Variants in CWH43 observed in about 807,000 individuals in gnomAD.
The protein encoded by CWH43 is PGAP2-interacting protein.
A neutral mutation model predicts 85.7 loss-of-function variants in CWH43; 91 were observed. The ratio of observed to expected loss-of-function variants is 1.06; its 90% CI spans 0.90 to 1.26. The LOEUF (loss-of-function observed/expected upper bound fraction) is 1.26. Among genes scored for constraint, CWH43 ranks in the 50% most tolerant of loss-of-function variants. The pLI, the probability that CWH43 is intolerant of heterozygous loss-of-function variation, is 0.00. For missense variants in CWH43, 869 were observed against 839.2 expected (o/e 1.04, Z -0.44); for synonymous variants, 323 against 293.6 (o/e 1.10, Z -1.02).
chr4:49,012,011 T>C (rs1014943930), intron 8 of CWH43, among the ~76,000 whole-genome samples: 1 of 152,232 alleles, frequency 6.6e-6, no homozygotes, highest in African/African-American at 2.4e-5. Flanking sequence ...TGAATTTGAA[T>C]GTTGGCTTGC....
intron 10 of CWH43, among the ~76,000 whole-genome samples, chr4:49,030,461 C>T (rs1199089540): frequency 6.6e-6 from 1 of 152,112 alleles, no homozygotes; most frequent in African/African-American, 2.4e-5. Flanking sequence ...TACTATGGAG[C>T]TGTTTGTGCT....
chr4:48,995,417 A>C (rs576213082), intron 5 of CWH43, among the ~76,000 whole-genome samples: 9 of 152,276 alleles, frequency 5.9e-5, no homozygotes, highest in African/African-American at 1.9e-4. Flanking sequence ...TTCCTGACAC[A>C]TCTTTTCTCT....
Position 49,061,818 on chromosome 4 carries a change from A to C in CWH43, c.2028A>C (p.Gly676=). Residue 676 remains glycine, a synonymous_variant, in exon 16 of 16, where the codon GGA becomes GGC. Transcript: ENST00000226432. ...SEKIHFNPRF[G]SYKEGHNYEN... ...TTATTTTTTATTTTTTTAGATTTGG[A>C]TCCTACAAAGAAGGACACAATTATG... is the stretch of plus-strand genomic sequence containing the variant. 7.2e-7 allele frequency: 1 copy of C among 1,389,746 alleles called. No homozygotes were observed. The highest frequency in any genetic ancestry group is 9.6e-7 in the Non-Finnish European group (1 of 1,046,048). The allele number at this position is 1,389,746 out of a possible 1,614,324, so 86.1% of individuals were successfully genotyped here.
intron 9 of CWH43, among the ~76,000 whole-genome samples, chr4:49,023,705 G>A (rs752706990): frequency 5.3e-5 from 8 of 152,156 alleles, no homozygotes; most frequent in Admixed American, 6.6e-5. Flanking sequence ...ATTGTGGTCC[G>A]AGAGATAGTA....
At chr4:49,016,776 A>G (rs1577675808) in intron 8 of CWH43, 5 of 776,438 alleles carry the variant, frequency 6.4e-6, no homozygotes, top group Admixed American at 3.4e-5. Context: ...CTTCTTCCCA[A>G]TGCAGGTGAT....
At chr4:49,017,439 G>T in intron 9 of CWH43, 111 bp downstream of exon 9, 2 of 699,890 alleles carry the variant, frequency 2.9e-6, no homozygotes, top group South Asian at 2.3e-5. Flanking sequence ...CAGAGCCCTG[G>T]GCCCTATCTC....
intron 8 of CWH43, among the ~76,000 whole-genome samples, chr4:49,009,139 CTT>C (rs1207293946): frequency 6.6e-6 from 1 of 152,148 alleles, no homozygotes; most frequent in African/African-American, 2.4e-5. Flanking sequence ...TTTGTGTCCT[CTT>C]TTATTTCATT....
chr4:49,008,599 T>C (rs1435715437), intron 8 of CWH43, among the ~76,000 whole-genome samples: 3 of 152,238 alleles, frequency 2.0e-5, no homozygotes, highest in Non-Finnish European at 4.4e-5. Context: ...AGCGCTTTTA[T>C]GGTTTTAGGT....
chr4:49,060,081 C>T (rs922592388), intron 15 of CWH43, among the ~76,000 whole-genome samples: 10 of 151,946 alleles, frequency 6.6e-5, no homozygotes, highest in Admixed American at 3.3e-4. Flanking sequence ...GTCTGGAGCT[C>T]GGGTGGGTTA....
At chr4:48,999,719 C>T (rs1782929550) in intron 6 of CWH43, among the ~76,000 whole-genome samples, 1 of 152,182 alleles carries the variant, frequency 6.6e-6, no homozygotes, top group Non-Finnish European at 1.5e-5. Context: ...CCTTGCTTTT[C>T]CGTGTTTCAA....
At chr4:49,048,418 C>CAT (rs896540496) in intron 14 of CWH43, among the ~76,000 whole-genome samples, 1 of 150,326 alleles carries the variant, frequency 6.7e-6, no homozygotes, top group Non-Finnish European at 1.5e-5. Flanking sequence ...AATATGATAT[C>CAT]ATATATATAT....
chr4:49,003,705 C>T (rs765434256), intron 6 of CWH43, 30 bp from the exon 7 acceptor site: 4 of 1,611,802 alleles, frequency 2.5e-6, no homozygotes, highest in Non-Finnish European at 3.4e-6. Context: ...GACTGCTTTC[C>T]TGTCTGATTC....
intron 2 of CWH43, among the ~76,000 whole-genome samples, chr4:48,989,232 A>G (rs989632936): frequency 6.6e-6 from 1 of 152,214 alleles, no homozygotes; most frequent in African/African-American, 2.4e-5. Context: ...GTTCTTAAAA[A>G]TGGAATCAAA....
At chr4:49,015,607 C>T (rs1226754203) in intron 8 of CWH43, among the ~76,000 whole-genome samples, 1 of 152,074 alleles carries the variant, frequency 6.6e-6, no homozygotes, top group Non-Finnish European at 1.5e-5. Context: ...GGAAAATTCT[C>T]AACATTGTTT....
rs1392072505 is a variant in CWH43, at chr4:49,044,814, G to C, written c.1832G>C (p.Trp611Ser). 4 of 1,613,288 alleles carry C rather than the reference G, an allele frequency of 2.5e-6. No individual in the cohort carries two copies. The highest frequency in any genetic ancestry group is 3.4e-6 in the Non-Finnish European group (4 of 1,179,452). ...ATCGACAGCACTGATCATGACAGAT[G>C]GTGTGAATACATTATGTATCGAGGG... Reference protein sequence around the residue: ...KDIDSTDHDRWCEYIMYRGLI... With the variant: ...KDIDSTDHDRSCEYIMYRGLI... The change falls in exon 14 of 16, where the codon TGG becomes TCG. Residue 611 changes from tryptophan to serine, a missense_variant. Physicochemically the swap from Trp to Ser is radical, Grantham distance 177 (BLOSUM62 -3). This residue lies in a region of CWH43 where 577 missense variants were observed against 513.1 expected (regional missense o/e 1.12). Transcript: ENST00000226432.
At chr4:49,025,619 C>A (rs568966211) in intron 9 of CWH43, among the ~76,000 whole-genome samples, 1 of 152,282 alleles carries the variant, frequency 6.6e-6, no homozygotes, top group African/African-American at 2.4e-5. Context: ...GTGATTATTT[C>A]TTTTCTGGAT....
At chr4:49,003,265 C>A (rs1166877347) in intron 6 of CWH43, among the ~76,000 whole-genome samples, 1 of 152,120 alleles carries the variant, frequency 6.6e-6, no homozygotes, top group African/African-American at 2.4e-5. Context: ...AGTCAATGTA[C>A]CTCTTGTAGG....
At chr4:49,004,592 G>T (rs1783095907) in intron 7 of CWH43, among the ~76,000 whole-genome samples, 1 of 152,120 alleles carries the variant, frequency 6.6e-6, no homozygotes, top group Non-Finnish European at 1.5e-5. Flanking sequence ...GTCTTGCTAT[G>T]TTGCACAGGC....
intron 12 of CWH43, among the ~76,000 whole-genome samples, chr4:49,034,314 G>A (rs932700281): frequency 2.6e-5 from 4 of 152,040 alleles, no homozygotes; most frequent in African/African-American, 9.7e-5. Context: ...CATGTTTAAA[G>A]GTTGCAAGTT....
Sources: gnomAD v4.1 joint callset for allele counts (sites outside exome capture counted in the v4.1 genomes callset) on GRCh38, gnomAD v4.1.1 for gene constraint, gnomAD v4.1.1 regional missense constraint, MANE v1.5 for transcripts, NCBI Gene and HGNC (gene_info 2026-07-23, HGNC 2026-07-21) for gene names.